Variants in CAMK4 observed in about 807,000 individuals in gnomAD.
CAMK4 encodes calcium/calmodulin dependent protein kinase IV.
CAMK4 carries 22 observed loss-of-function variants against 44.9 expected under a neutral mutation model. That is an observed-to-expected ratio of 0.49 (90% CI 0.35 to 0.70). CAMK4 has a LOEUF of 0.70. Among genes scored for constraint, CAMK4 ranks in the 30% least tolerant of loss-of-function variants. The probability of loss-of-function intolerance (pLI) is 0.01; values close to 1 mark genes in which losing one functional copy is unlikely to be tolerated. For synonymous variants in CAMK4, 218 were observed against 215.4 expected (o/e 1.01, Z -0.11); for missense variants, 498 against 586.8 (o/e 0.85, Z 1.56).
rs574384515 is a variant in CAMK4 at position 111,351,566 on chromosome 5, C to T, written c.240+7464C>T. ...GATTACAGGTGCATGCCACCACACC[C>T]GGCTAATTTTTGTATTTTTTTTTTT... On this transcript the variant is annotated intron_variant, in intron 2 of 10. Transcript: ENST00000282356. Among the ~76,000 whole-genome samples the T allele has an allele frequency of 5.3e-5, 8 of 151,666 alleles. No homozygotes were observed. In the South Asian group the frequency reaches 1.0e-3, roughly 20 times the overall value.
chr5:111,415,179 A>C (rs1249961623), intron 5 of CAMK4, among the ~76,000 whole-genome samples: 2 of 152,306 alleles, frequency 1.3e-5, no homozygotes, highest in East Asian at 3.9e-4. Context: ...CATAAGTTTA[A>C]GTTGTGATCT....
At chr5:111,411,273 A>G (rs1203620034) in intron 5 of CAMK4, among the ~76,000 whole-genome samples, 1 of 152,194 alleles carries the variant, frequency 6.6e-6, no homozygotes, top group African/African-American at 2.4e-5. Flanking sequence ...TCTGAGAGCC[A>G]AGTCTGTTTC....
At position 111,349,673 on chromosome 5, in the gene CAMK4, T is replaced by A. The variant is rs189250136; in HGVS notation, c.240+5571T>A. On this transcript the variant is annotated intron_variant, in intron 2 of 10. Coordinates refer to ENST00000282356, the MANE Select transcript of CAMK4 (RefSeq NM_001744.6). ...GATGGAGTCTCTATTTCAGGAGTAA[T>A]TCACATGAATTATAGTTTATCTTTC... 1.2e-4 allele frequency among the ~76,000 whole-genome samples: 18 copies of A among 152,068 alleles called. No individual in the cohort carries two copies. The East Asian group carries it at 2.1e-3, about 18-fold the overall frequency.
intron 4 of CAMK4, among the ~76,000 whole-genome samples, chr5:111,382,285 A>G (rs1751446686): frequency 6.6e-6 from 1 of 152,138 alleles, no homozygotes; most frequent in African/African-American, 2.4e-5. Context: ...GCATTTCTAG[A>G]TCTCTCATTC....
chr5:111,353,610 C>T lies in CAMK4; in HGVS notation c.240+9508C>T, dbSNP rs572098638. 2.0e-5 allele frequency among the ~76,000 whole-genome samples: 3 copies of T among 152,144 alleles called. No homozygotes were observed. The South Asian group carries it at 6.2e-4, about 32-fold the overall frequency. On this transcript the variant is annotated intron_variant, in intron 2 of 10. Coordinates refer to ENST00000282356, the MANE Select transcript of CAMK4 (RefSeq NM_001744.6). Reference sequence around the variant, plus strand: ...TTAAATATAGAAAACTCTAAAGACTCCACAAAAGAACTACATAAGAACTGA... The same window carrying T: ...TTAAATATAGAAAACTCTAAAGACTTCACAAAAGAACTACATAAGAACTGA...
chr5:111,420,558 A>G (rs1580729087), intron 5 of CAMK4, among the ~76,000 whole-genome samples: 1 of 152,086 alleles, frequency 6.6e-6, no homozygotes, highest in East Asian at 1.9e-4. Flanking sequence ...ATTAGGTGGG[A>G]ATTTCCTCTT....
chr5:111,376,363 C>T (rs1055749681), intron 3 of CAMK4, among the ~76,000 whole-genome samples: 3 of 151,986 alleles, frequency 2.0e-5, no homozygotes, highest in African/African-American at 7.2e-5. Flanking sequence ...TTCCTTCACC[C>T]ACTGACAGCT....
intron 7 of CAMK4, among the ~76,000 whole-genome samples, chr5:111,454,647 CAAAAAA>C (rs66917170): frequency 1.1e-3 from 126 of 114,576 alleles, no homozygotes; most frequent in African/African-American, 4.4e-3. Context: ...GTCACACAGA[CAAAAAA>C]AAAAAAAAAA....
intron 2 of CAMK4, among the ~76,000 whole-genome samples, chr5:111,370,725 G>A (rs1272625147): frequency 1.3e-5 from 2 of 152,076 alleles, no homozygotes; most frequent in Non-Finnish European, 2.9e-5. Flanking sequence ...GACCATCCTG[G>A]CCAACATGAT....
chr5:111,412,478 A>G (rs1223574625), intron 5 of CAMK4, among the ~76,000 whole-genome samples: 1 of 152,232 alleles, frequency 6.6e-6, no homozygotes, highest in South Asian at 2.1e-4. Context: ...TAAACAATAT[A>G]CTGGAAGGAC....
At position 111,385,587 on chromosome 5, in the gene CAMK4, T is replaced by C. The variant is rs376484731; in HGVS notation, c.386+8645T>C. Among the ~76,000 whole-genome samples the C allele has an allele frequency of 1.4e-4, 21 of 152,174 alleles. No homozygotes were observed. The East Asian group carries it at 2.7e-3, about 20-fold the overall frequency. The stretch of plus-strand genomic sequence containing the variant: ...TATGTGTGTGTTTTGTTTGTGTTTG[T>C]TTTTGAGACAGAGTCTCCCTCTGTC... On this transcript the variant is annotated intron_variant, in intron 4 of 10. Transcript: ENST00000282356.
intron 4 of CAMK4, among the ~76,000 whole-genome samples, chr5:111,384,282 T>C (rs1751519405): frequency 1.3e-5 from 2 of 152,150 alleles, no homozygotes; most frequent in Non-Finnish European, 2.9e-5. Flanking sequence ...GCTTACTCCT[T>C]CATATCATTC....
intron 2 of CAMK4, among the ~76,000 whole-genome samples, chr5:111,358,406 A>C (rs2216651): frequency 0.037 from 5,637 of 152,116 alleles, 331 homozygotes; most frequent in African/African-American, 0.13. Flanking sequence ...CTACTGTGAG[A>C]ATATGTCACA....
chr5:111,388,753 T>A (rs2900054), intron 4 of CAMK4, among the ~76,000 whole-genome samples: 133,716 of 152,188 alleles, frequency 0.88, 58,979 homozygotes, highest in East Asian at 1. Flanking sequence ...CATAACAGTC[T>A]CTCCGTAATA....
intron 5 of CAMK4, among the ~76,000 whole-genome samples, chr5:111,408,947 G>T (rs770768188): frequency 3.9e-5 from 6 of 152,162 alleles, no homozygotes; most frequent in African/African-American, 1.4e-4. Flanking sequence ...GCTCCCATGG[G>T]CATGGGAAGC....
intron 7 of CAMK4, among the ~76,000 whole-genome samples, chr5:111,451,997 CTA>C (rs1338314503): frequency 1.3e-5 from 2 of 152,250 alleles, no homozygotes; most frequent in African/African-American, 4.8e-5. Flanking sequence ...TTGTACTCTT[CTA>C]TGTCTCCTTG....
chr5:111,301,837 T>C (rs566453021), intron 1 of CAMK4, among the ~76,000 whole-genome samples: 9 of 152,318 alleles, frequency 5.9e-5, no homozygotes, highest in African/African-American at 2.2e-4. Context: ...GCCATTGTAG[T>C]TTTTTTGCAT....
At chr5:111,385,798 A>G (rs1195233138) in intron 4 of CAMK4, among the ~76,000 whole-genome samples, 2 of 152,100 alleles carry the variant, frequency 1.3e-5, no homozygotes, top group African/African-American at 4.8e-5. Flanking sequence ...GATACTCTCG[A>G]TCTCCTGACC....
At chr5:111,474,139 G>GGA (rs1298775029) in intron 8 of CAMK4, among the ~76,000 whole-genome samples, 1 of 152,192 alleles carries the variant, frequency 6.6e-6, no homozygotes, top group Non-Finnish European at 1.5e-5. Context: ...TTCAAAACAA[G>GGA]GAGACTTAGT....
Sources: gnomAD v4.1 joint callset for allele counts (sites outside exome capture counted in the v4.1 genomes callset) on GRCh38, gnomAD v4.1.1 for gene constraint, MANE v1.5 for transcripts, NCBI Gene and HGNC (gene_info 2026-07-23, HGNC 2026-07-21) for gene names.